Variants in GAN observed in about 807,000 individuals in gnomAD.
GAN encodes the protein epididymis secretory sperm binding protein.
GAN carries 48 observed loss-of-function variants against 71.3 expected under a neutral mutation model. The ratio of observed to expected loss-of-function variants is 0.67; its 90% CI spans 0.53 to 0.86. GAN has a LOEUF of 0.86. Among genes scored for constraint, GAN ranks in the 40% least tolerant of loss-of-function variants. GAN has a pLI of 0.00. For synonymous variants in GAN, 386 were observed against 276.8 expected (o/e 1.39, Z -3.92); for missense variants, 928 against 770.1 (o/e 1.21, Z -2.43).
Position 81,389,538 on chromosome 16 carries a change from C to T in GAN, c.*11942C>T, listed in dbSNP as rs1466750553. The stretch of plus-strand genomic sequence containing the variant: ...ATCAGAAACGGTATCGCGGATGCTC[C>T]TCAGGTAGGCGTAGGCAGACTTCAT... On this transcript the variant is annotated 3_prime_UTR_variant, in exon 11 of 11. Coordinates refer to ENST00000648994, the MANE Select transcript of GAN (RefSeq NM_022041.4). The T allele has an allele frequency of 6.6e-6, 1 of 152,230 alleles. No homozygotes were observed. The highest frequency in any genetic ancestry group is 1.5e-5 in the Non-Finnish European group (1 of 68,062). The allele number at this position is 152,230 out of a possible 1,614,324, so 9.4% of individuals were successfully genotyped here.
At chr16:81,367,931 G>A (rs1312621644) in intron 9 of GAN, among the ~76,000 whole-genome samples, 1 of 152,144 alleles carries the variant, frequency 6.6e-6, no homozygotes, top group East Asian at 1.9e-4. Flanking sequence ...ATAACATGTA[G>A]GAGTAGTTTA....
At chr16:81,338,723 C>T (rs1164034812) in intron 1 of GAN, among the ~76,000 whole-genome samples, 7 of 152,178 alleles carry the variant, frequency 4.6e-5, no homozygotes, top group East Asian at 1.9e-4. Context: ...TAGAAAGGAA[C>T]GGTGACTGTC....
At chr16:81,348,999 C>T (rs111581696) in intron 1 of GAN, among the ~76,000 whole-genome samples, 4 of 152,130 alleles carry the variant, frequency 2.6e-5, no homozygotes, top group Admixed American at 6.5e-5. Flanking sequence ...GTGCCTGGTG[C>T]TCCCCTGTCC....
At position 81,377,746 on chromosome 16, in the gene GAN, G is replaced by A. The variant is rs941310895; in HGVS notation, c.*150G>A. ...GGTTTTATGATGCTTACAAACTTGA[G>A]CTTTAGCTCTTGTTTGGGAGAACAC... On this transcript the variant is annotated 3_prime_UTR_variant, in exon 11 of 11. Coordinates refer to ENST00000648994, the MANE Select transcript of GAN (RefSeq NM_022041.4). 6 of 764,146 alleles carry A rather than the reference G, an allele frequency of 7.9e-6. No individual in the cohort carries two copies. Among genetic ancestry groups the A allele is most frequent in the Admixed American group, 6.3e-5 (3 of 47,404 alleles). The allele number at this position is 764,146 out of a possible 1,614,324, so 47.3% of individuals were successfully genotyped here.
At chr16:81,320,870 A>G (rs529086116) in intron 1 of GAN, among the ~76,000 whole-genome samples, 1 of 152,182 alleles carries the variant, frequency 6.6e-6, no homozygotes, top group African/African-American at 2.4e-5. Flanking sequence ...TTTGTCCAGA[A>G]GGTCTTGATA....
chr16:81,336,921 C>T (rs1050717605), intron 1 of GAN, among the ~76,000 whole-genome samples: 1 of 152,050 alleles, frequency 6.6e-6, no homozygotes, highest in African/African-American at 2.4e-5. Context: ...GTTACAATTC[C>T]TGAACCTACA....
At position 81,344,641 on chromosome 16, in the gene GAN, T is replaced by A. The variant is rs529831557; in HGVS notation, c.168-6942T>A. Among the ~76,000 whole-genome samples the A allele has an allele frequency of 3.9e-5, 6 of 152,262 alleles. No homozygotes were observed. The South Asian group carries it at 1.2e-3, about 32-fold the overall frequency. On this transcript the variant is annotated intron_variant, in intron 1 of 10. Transcript: ENST00000648994. ...GGATCAGAGACTTAAACATAAGACC[T>A]AGGACCATAAAAATCCTAGAAGAAA...
chr16:81,319,343 A>G (rs1909151700), intron 1 of GAN, among the ~76,000 whole-genome samples: 1 of 151,726 alleles, frequency 6.6e-6, no homozygotes, highest in Admixed American at 6.6e-5. Context: ...CTTGCAGGAA[A>G]TTTATTTTTC....
chr16:81,320,000 A>G (rs1909174037), intron 1 of GAN, among the ~76,000 whole-genome samples: 1 of 152,208 alleles, frequency 6.6e-6, no homozygotes, highest in Non-Finnish European at 1.5e-5. Flanking sequence ...ATATTAAAGC[A>G]TTTCCATTCC....
chr16:81,327,648 A>G (rs1909433568), intron 1 of GAN, among the ~76,000 whole-genome samples: 1 of 152,236 alleles, frequency 6.6e-6, no homozygotes, highest in Non-Finnish European at 1.5e-5. Flanking sequence ...ACATTGGGAA[A>G]GAGAAAATGG....
chr16:81,323,985 G>C (rs1909299175), intron 1 of GAN, among the ~76,000 whole-genome samples: 1 of 152,134 alleles, frequency 6.6e-6, no homozygotes, highest in Non-Finnish European at 1.5e-5. Context: ...GATTACTTTT[G>C]ATTTCACTTA....
chr16:81,315,519 G>A (rs769451938), intron 1 of GAN, among the ~76,000 whole-genome samples: 10 of 152,002 alleles, frequency 6.6e-5, no homozygotes, highest in Non-Finnish European at 4.4e-5. Flanking sequence ...CGCGCCCCTT[G>A]GAGTTGTCCC....
chr16:81,361,580 A>G (rs551823183), intron 5 of GAN, among the ~76,000 whole-genome samples: 4 of 152,350 alleles, frequency 2.6e-5, no homozygotes, highest in Admixed American at 6.5e-5. Flanking sequence ...ATTTTCCTAG[A>G]TTAGAAATGC....
intron 9 of GAN, among the ~76,000 whole-genome samples, chr16:81,367,119 G>A (rs1910885114): frequency 6.6e-6 from 1 of 152,076 alleles, no homozygotes. Context: ...CACCGCACCT[G>A]GCCTATCAGG....
At position 81,385,659 on chromosome 16, in the gene GAN, G is replaced by C. The variant is rs548847800; in HGVS notation, c.*8063G>C. Reference sequence around the variant, plus strand: ...GGTGGTGGGAGGCCCTGTGGATGAGGCCAAGGCTGCCTGCACTGAGTGTCC... The same window carrying C: ...GGTGGTGGGAGGCCCTGTGGATGAGCCCAAGGCTGCCTGCACTGAGTGTCC... On this transcript the variant is annotated 3_prime_UTR_variant, in exon 11 of 11. Coordinates refer to ENST00000648994, the MANE Select transcript of GAN (RefSeq NM_022041.4). 1 of 152,330 alleles carries C rather than the reference G, an allele frequency of 6.6e-6. No individual in the cohort carries two copies. The highest frequency in any genetic ancestry group is 2.1e-4 in the South Asian group (1 of 4,806). 9.4% of individuals were successfully genotyped at this position (152,330 alleles called of 1,614,324 possible). A position where few individuals can be genotyped will look rare whatever the true frequency, so the allele number is the denominator to read the frequency against.
At chr16:81,363,652 C>G in intron 6 of GAN, 142 bp from the exon 7 acceptor site, 1 of 797,924 alleles carries the variant, frequency 1.3e-6, no homozygotes, top group Non-Finnish European at 2.2e-6. Flanking sequence ...CCTTGCTCCT[C>G]TCCCTGTCTC....
At chr16:81,334,525 G>T (rs781447889) in intron 1 of GAN, among the ~76,000 whole-genome samples, 28 of 152,208 alleles carry the variant, frequency 1.8e-4, no homozygotes, top group Non-Finnish European at 3.4e-4. Context: ...GGTGCAACTA[G>T]GTTTATTCCC....
rs1904327488 is a variant in GAN, at chr16:81,383,783, G to T, written c.*6187G>T. ...AACACACAGAGTCCGGGGGACACAC[G>T]GCCTTAAGATGAAGTGAACGAGTAG... is the stretch of plus-strand genomic sequence containing the variant. On this transcript the variant is annotated 3_prime_UTR_variant, in exon 11 of 11. Coordinates refer to ENST00000648994, the MANE Select transcript of GAN (RefSeq NM_022041.4). The T allele has an allele frequency of 6.6e-6, 1 of 151,970 alleles. No individual in the cohort carries two copies. Among genetic ancestry groups the T allele is most frequent in the South Asian group, 2.1e-4 (1 of 4,826 alleles). 9.4% of individuals were successfully genotyped at this position (151,970 alleles called of 1,614,324 possible).
chr16:81,390,658 T>G lies in GAN; in HGVS notation c.*13062T>G, dbSNP rs925485565. On this transcript the variant is annotated 3_prime_UTR_variant, in exon 11 of 11. Coordinates refer to ENST00000648994, the MANE Select transcript of GAN (RefSeq NM_022041.4). ...AAAACAGAAACAGAGTGTTGTATTT[T>G]GATCTGAAATTTGTGTATGCTAAAG... 3 of 152,356 alleles carry G rather than the reference T, an allele frequency of 2.0e-5. No individual in the cohort carries two copies. The highest frequency in any genetic ancestry group is 4.8e-5 in the African/African-American group (2 of 41,580). The allele number at this position is 152,356 out of a possible 1,614,324, so 9.4% of individuals were successfully genotyped here.
Sources: allele counts gnomAD v4.1 joint callset (sites outside exome capture counted in the v4.1 genomes callset), GRCh38; gene constraint gnomAD v4.1.1; transcripts MANE v1.5; gene names NCBI Gene and HGNC (gene_info 2026-07-23, HGNC 2026-07-21).